UGT1A8: variants seen among roughly 807,000 people sequenced by gnomAD.
UGT1A8 encodes the protein UDP-glucuronosyltransferase 1A8.
Under a neutral mutation model 45.3 loss-of-function variants are expected in UGT1A8, and 39 were observed. The ratio of observed to expected loss-of-function variants is 0.86; its 90% CI spans 0.67 to 1.12. UGT1A8 has a LOEUF of 1.12. Ranked by LOEUF, UGT1A8 falls within the 50% of genes most tolerant of loss-of-function variation. The pLI is 0.00. For missense variants in UGT1A8, 719 were observed against 664.9 expected, an observed-to-expected ratio of 1.08 and a Z score of -0.90; for synonymous variants, 275 against 249.2, an observed-to-expected ratio of 1.10 and a Z score of -0.97.
At chr2:233,711,308 T>C (rs1455786140) in intron 1 of UGT1A8, among the ~76,000 whole-genome samples, 1 of 152,192 alleles carries the variant, frequency 6.6e-6, no homozygotes, top group Non-Finnish European at 1.5e-5. Flanking sequence ...TTAGATGACA[T>C]TGGTGTCTAA....
rs749836255 is a variant in UGT1A8 at position 233,760,959 on chromosome 2, C to T, written c.856-6075C>T. 27 of 1,614,184 alleles carry T rather than the reference C, an allele frequency of 1.7e-5. No homozygotes were observed. The highest frequency in any genetic ancestry group is 1.9e-5 in the Non-Finnish European group (23 of 1,180,034). On this transcript the variant is annotated intron_variant, in intron 1 of 4. Transcript: ENST00000373450. ...CCTTTTCACAGAACTTTCTGTGCGA[C>T]GTGGTTTATTCCCCGTATGCAACCC...
At chr2:233,683,341 G>A (rs4663888) in intron 1 of UGT1A8, among the ~76,000 whole-genome samples, 93,418 of 151,982 alleles carry the variant, frequency 0.61, 28,967 homozygotes, top group South Asian at 0.65. Flanking sequence ...TAATTGCATG[G>A]TAGTCTTTAC....
chr2:233,734,819 C>T (rs192367390), intron 1 of UGT1A8, among the ~76,000 whole-genome samples: 11 of 152,204 alleles, frequency 7.2e-5, no homozygotes, highest in South Asian at 2.1e-4. Flanking sequence ...TGTAGTTGTG[C>T]GATTTTGAGT....
intron 1 of UGT1A8, chr2:233,637,449 C>T (rs2073327708): frequency 2.0e-6 from 3 of 1,518,094 alleles, no homozygotes; most frequent in Middle Eastern, 1.8e-4. Context: ...CCTTACTGAA[C>T]TGTGATTTGA....
chr2:233,757,240 G>A (rs1051117267), intron 1 of UGT1A8, among the ~76,000 whole-genome samples: 5 of 149,398 alleles, frequency 3.3e-5, no homozygotes, highest in African/African-American at 1.2e-4. Flanking sequence ...AAGTGGTGGT[G>A]AGGTGGGGTT....
At chr2:233,729,583 C>A (rs1274615489) in intron 1 of UGT1A8, 2 of 1,614,036 alleles carry the variant, frequency 1.2e-6, no homozygotes, top group Non-Finnish European at 1.7e-6. Context: ...TTTAACAGAC[C>A]CCGTTAACCT....
intron 1 of UGT1A8, among the ~76,000 whole-genome samples, chr2:233,720,026 G>A (rs1302050187): frequency 6.6e-6 from 1 of 152,126 alleles, no homozygotes; most frequent in Non-Finnish European, 1.5e-5. Flanking sequence ...TGGGGTTTTT[G>A]CTTGCCTGAT....
rs28898609 is a variant in UGT1A8 at position 233,718,170 on chromosome 2, C to G, written c.856-48864C>G. The G allele has an allele frequency of 6.8e-3, 1,637 of 241,004 alleles. 38 individuals are homozygous for G. The highest frequency in any genetic ancestry group is 0.033 in the African/African-American group (1,513 of 45,480). The allele number at this position is 241,004 out of a possible 1,614,324, so 14.9% of individuals were successfully genotyped here. The stretch of plus-strand genomic sequence containing the variant: ...AAAGCCTTCCCAAGAATATGATCAT[C>G]ACATCTTGAGCTCAGCCTCCCCGGA... On this transcript the variant is annotated intron_variant, in intron 1 of 4. Coordinates refer to ENST00000373450, the MANE Select transcript of UGT1A8 (RefSeq NM_019076.5).
rs116067611 is a variant in UGT1A8 at position 233,693,093 on chromosome 2, T to G, written c.856-73941T>G. The G allele has an allele frequency of 3.1e-6, 5 of 1,614,220 alleles. No homozygotes were observed. The East Asian group carries it at 1.1e-4, about 36-fold the overall frequency. ...GGCATGGTTGTAGGTGACAAGCTGCTGGTGGTCCCTCAGGACGGAAGCCAC... is the reference window on the plus strand; with the variant it reads ...GGCATGGTTGTAGGTGACAAGCTGCGGGTGGTCCCTCAGGACGGAAGCCAC... On this transcript the variant is annotated intron_variant, in intron 1 of 4. Coordinates refer to ENST00000373450, the MANE Select transcript of UGT1A8 (RefSeq NM_019076.5).
intron 1 of UGT1A8, among the ~76,000 whole-genome samples, chr2:233,721,302 G>T (rs541150498): frequency 6.6e-6 from 1 of 152,116 alleles, no homozygotes; most frequent in Non-Finnish European, 1.5e-5. Context: ...CATTTGAATA[G>T]TGATTGTGGC....
intron 1 of UGT1A8, among the ~76,000 whole-genome samples, chr2:233,620,372 A>C (rs2072978778): frequency 1.3e-5 from 2 of 152,066 alleles, no homozygotes; most frequent in African/African-American, 2.4e-5. Context: ...TGTTGCCTGC[A>C]CCCTACACCC....
chr2:233,668,473 G>A (rs775493432), intron 1 of UGT1A8, among the ~76,000 whole-genome samples: 6 of 152,178 alleles, frequency 3.9e-5, no homozygotes, highest in African/African-American at 4.8e-5. Context: ...CATTTGGGTT[G>A]CTTCCAAGTC....
At chr2:233,747,722 G>GT (rs574078556) in intron 1 of UGT1A8, 82 of 1,612,726 alleles carry the variant, frequency 5.1e-5, no homozygotes, top group Admixed American at 1.2e-4. Flanking sequence ...TTCCTGCTGT[G>GT]TTTTTTTTGA....
chr2:233,727,384 C>A (rs1032238584), intron 1 of UGT1A8, among the ~76,000 whole-genome samples: 2 of 152,144 alleles, frequency 1.3e-5, no homozygotes, highest in African/African-American at 4.8e-5. Context: ...TGGAGTACCA[C>A]CGTCTTCCAA....
chr2:233,767,255 G>T, intron 2 of UGT1A8, 90 bp downstream of exon 2: 2 of 1,596,758 alleles, frequency 1.3e-6, no homozygotes, highest in East Asian at 2.2e-5. Context: ...CTCTTAATTG[G>T]AACCTTAGAT....
chr2:233,772,331 C>T lies in UGT1A8; in HGVS notation c.1365C>T (p.Ala455=), dbSNP rs755348390. 16 of 1,614,018 alleles carry T rather than the reference C, an allele frequency of 9.9e-6. No homozygotes were observed. The highest frequency in any genetic ancestry group is 5.0e-5 in the Admixed American group (3 of 59,996). The change falls in exon 5 of 5, where the codon GCC becomes GCT. Residue 455 remains alanine (A), a synonymous_variant. Coordinates refer to ENST00000373450, the MANE Select transcript of UGT1A8 (RefSeq NM_019076.5). ...KDRPVEPLDL[A]VFWVEFVMRH... is the part of the protein sequence containing the mutation. ...GCCCGGTGGAGCCGCTGGACCTGGC[C>T]GTGTTCTGGGTGGAGTTTGTGATGA...
At chr2:233,743,384 A>G in intron 1 of UGT1A8, 4 of 1,202,216 alleles carry the variant, frequency 3.3e-6, no homozygotes, top group Non-Finnish European at 4.5e-6. Context: ...CTACCGTAGG[A>G]CATGCAGAAG....
intron 1 of UGT1A8, chr2:233,760,565 T>C (rs2125985983): frequency 6.2e-7 from 1 of 1,614,264 alleles, no homozygotes; most frequent in Non-Finnish European, 8.5e-7. Context: ...GAGTCTTTTG[T>C]TAGTCTCGGG....
chr2:233,714,370 A>C (rs778374945), intron 1 of UGT1A8, among the ~76,000 whole-genome samples: 6 of 152,228 alleles, frequency 3.9e-5, no homozygotes, highest in African/African-American at 9.6e-5. Context: ...AAGTTGACTC[A>C]GTTCAGTGGA....
Sources: allele counts gnomAD v4.1 joint callset (sites outside exome capture counted in the v4.1 genomes callset), GRCh38; gene constraint gnomAD v4.1.1; transcripts MANE v1.5; gene names NCBI Gene and HGNC (gene_info 2026-07-23, HGNC 2026-07-21).